DOP1B: variants seen among roughly 807,000 people sequenced by gnomAD.
The protein encoded by DOP1B is DOP1 leucine zipper like protein B, also known as protein DOP1B.
A neutral mutation model predicts 233.5 loss-of-function variants in DOP1B; 174 were observed. The ratio of observed to expected loss-of-function variants is 0.75; its 90% CI spans 0.66 to 0.85. DOP1B has a LOEUF of 0.85. Among genes scored for constraint, DOP1B ranks in the 40% least tolerant of loss-of-function variants. The pLI is 0.00. For synonymous variants in DOP1B, 1,190 were observed against 1,185.6 expected (o/e 1.00, Z -0.08); for missense variants, 2,652 against 2,846.6 (o/e 0.93, Z 1.56).
chr21:36,186,019 G>A (rs914331745), intron 2 of DOP1B, among the ~76,000 whole-genome samples: 21 of 152,106 alleles, frequency 1.4e-4, no homozygotes, highest in African/African-American at 4.6e-4. Context: ...CCTGGCCAAC[G>A]TGGTGAAACC....
At position 36,238,547 on chromosome 21, in the gene DOP1B, ACAGTGGT is replaced by A; in HGVS notation, c.2776-49_2776-43del. ...TAAATGGGGTTTATGGTGACTGAAG[ACAGTGGT>A]CAGTTACAAAACCAAGTTCCTCACT... is the stretch of plus-strand genomic sequence containing the variant. On this transcript the variant is annotated intron_variant, in intron 16 of 36. Transcript: ENST00000691173. 5 of 1,461,350 alleles carry A rather than the reference ACAGTGGT, an allele frequency of 3.4e-6. No individual in the cohort carries two copies. In the Admixed American group the frequency reaches 8.4e-5, roughly 25 times the overall value. 90.5% of individuals were successfully genotyped at this position (1,461,350 alleles called of 1,614,324 possible).
chr21:36,161,011 A>G (rs2065864153), intron 1 of DOP1B, among the ~76,000 whole-genome samples: 2 of 152,314 alleles, frequency 1.3e-5, no homozygotes, highest in East Asian at 3.9e-4. Context: ...GGGGTTGAGC[A>G]TGGCAGGAGA....
chr21:36,173,582 C>T (rs925368548), intron 2 of DOP1B, among the ~76,000 whole-genome samples: 2 of 151,992 alleles, frequency 1.3e-5, no homozygotes, highest in Admixed American at 6.6e-5. Flanking sequence ...CCACCACACC[C>T]GGCTAATTTT....
intron 4 of DOP1B, among the ~76,000 whole-genome samples, chr21:36,204,989 A>G (rs927403270): frequency 5.9e-5 from 9 of 152,042 alleles, no homozygotes; most frequent in African/African-American, 1.4e-4. Flanking sequence ...AGGCACTGTG[A>G]TCATGATCTG....
chr21:36,219,137 G>A (rs969207808), intron 9 of DOP1B, among the ~76,000 whole-genome samples: 3 of 152,178 alleles, frequency 2.0e-5, no homozygotes, highest in Admixed American at 6.5e-5. Flanking sequence ...TGTAAAACGC[G>A]TAGAAGGGTG....
intron 36 of DOP1B, 23 bp downstream of exon 36, chr21:36,292,256 C>CTTTTTTTTTTT (rs55884666): frequency 9.7e-6 from 13 of 1,335,498 alleles, no homozygotes; most frequent in Admixed American, 2.8e-5. Flanking sequence ...CTTTTCTTTT[C>CTTTTTTTTTTT]TTTTTTTTTT....
At chr21:36,223,196 A>C (rs780394999) in intron 10 of DOP1B, 35 bp from the exon 11 acceptor site, 1 of 1,533,336 alleles carries the variant, frequency 6.5e-7, no homozygotes, top group African/African-American at 1.4e-5. Context: ...GGATTTTTTT[A>C]TAGACATATT....
Position 36,227,768 on chromosome 21 carries a change from C to A in DOP1B, c.1556C>A (p.Ala519Asp). ...LVQPLAEDMEALSLPELTHAL... is the reference protein window; with the variant it reads ...LVQPLAEDMEDLSLPELTHAL... ...CAGCCTCTTGCTGAGGACATGGAGG[C>A]CTTAAGTTTACCTGAACTCACGCAT... Residue 519 changes from alanine (A) to aspartate (D), a missense_variant, in exon 13 of 37, where the codon GCC becomes GAC. By Grantham distance (126) the Ala-to-Asp change is moderately radical. Around this residue, in one of 3 missense-constraint regions of DOP1B, gnomAD observed 2,617 missense variants for 2,794.3 expected, o/e 0.94. Coordinates refer to ENST00000691173, the MANE Select transcript of DOP1B (RefSeq NM_001320714.2). 1.2e-6 allele frequency: 2 copies of A among 1,613,646 alleles called. No individual in the cohort carries two copies. Among genetic ancestry groups the A allele is most frequent in the African/African-American group, 1.3e-5 (1 of 75,026 alleles).
chr21:36,282,474 A>G (rs908353856), intron 32 of DOP1B, among the ~76,000 whole-genome samples: 31 of 152,148 alleles, frequency 2.0e-4, no homozygotes, highest in African/African-American at 6.3e-4. Context: ...TTAGTTTTTA[A>G]AAGTCTGACC....
intron 2 of DOP1B, among the ~76,000 whole-genome samples, chr21:36,167,276 G>A (rs747175683): frequency 1.3e-5 from 2 of 152,212 alleles, no homozygotes; most frequent in South Asian, 2.1e-4. Context: ...AGGTTCAAGC[G>A]ATTCTCCTGC....
chr21:36,258,398 T>C (rs2067131873), intron 23 of DOP1B, among the ~76,000 whole-genome samples: 1 of 151,260 alleles, frequency 6.6e-6, no homozygotes, highest in Non-Finnish European at 1.5e-5. Flanking sequence ...AGACCCTGTC[T>C]GAAAACAAAA....
chr21:36,184,588 A>G (rs1488504734), intron 2 of DOP1B, among the ~76,000 whole-genome samples: 1 of 152,202 alleles, frequency 6.6e-6, no homozygotes, highest in Admixed American at 6.5e-5. Context: ...ACAGGGAAGC[A>G]GGAGGAAAAA....
intron 32 of DOP1B, among the ~76,000 whole-genome samples, chr21:36,286,827 G>C (rs2067489512): frequency 6.6e-6 from 1 of 152,002 alleles, no homozygotes; most frequent in African/African-American, 2.4e-5. Flanking sequence ...AGCCGGGCAT[G>C]GTGGCAGACA....
intron 26 of DOP1B, among the ~76,000 whole-genome samples, chr21:36,268,350 T>C (rs1437753528): frequency 2.0e-5 from 3 of 152,192 alleles, no homozygotes; most frequent in African/African-American, 7.2e-5. Context: ...AAAATATGGC[T>C]CTTTTTTCCC....
rs377415890 is a variant in DOP1B, at chr21:36,230,977, T to G, written c.2193T>G (p.Asp731Glu). The G allele has an allele frequency of 4.6e-5, 74 of 1,613,946 alleles. No homozygotes were observed. The highest frequency in any genetic ancestry group is 6.1e-5 in the Non-Finnish European group (72 of 1,180,008). The part of the protein sequence containing the change: ...SPARKNGGEW[D>E]VEKVVIDLGG... ...CCAGGAAAAACGGGGGAGAATGGGA[T>G]GTTGAGAAGGTGGTCATTGACCTGG... Residue 731 changes from aspartate to glutamate, a missense_variant, in exon 14 of 37, where the codon GAT becomes GAG. Asp to Glu is a conservative substitution (Grantham distance 45). Around this residue, in one of 3 missense-constraint regions of DOP1B, gnomAD observed 2,617 missense variants for 2,794.3 expected, o/e 0.94. Transcript: ENST00000691173.
intron 27 of DOP1B, among the ~76,000 whole-genome samples, chr21:36,275,201 C>G (rs117127378): frequency 6.6e-6 from 1 of 152,222 alleles, no homozygotes; most frequent in East Asian, 1.9e-4. Context: ...CAGAACAGTA[C>G]AGCAGAGAGG....
intron 2 of DOP1B, among the ~76,000 whole-genome samples, chr21:36,180,652 G>A (rs934648527): frequency 2.4e-4 from 35 of 147,790 alleles, no homozygotes; most frequent in Non-Finnish European, 4.1e-4. Context: ...AGGCCGAGGC[G>A]GGGGGATCAC....
At position 36,230,502 on chromosome 21, in the gene DOP1B, T is replaced by C. The variant is rs1165733798; in HGVS notation, c.1718T>C (p.Ile573Thr). 7.4e-6 allele frequency: 12 copies of C among 1,613,492 alleles called. No homozygotes were observed. The highest frequency in any genetic ancestry group is 1.0e-5 in the Non-Finnish European group (12 of 1,179,468). The change falls in exon 14 of 37, where the codon ATT becomes ACT. Residue 573 changes from isoleucine to threonine, a missense_variant. Transcript: ENST00000691173. ...GKIILETKAV[I>T]PGDEDASFPP... ...ATAATTTTGGAAACAAAGGCAGTGATTCCCGGTGACGAAGATGCTTCGTTT... is the reference window on the plus strand; with the variant it reads ...ATAATTTTGGAAACAAAGGCAGTGACTCCCGGTGACGAAGATGCTTCGTTT...
chr21:36,201,516 T>A (rs1346703199), intron 4 of DOP1B, among the ~76,000 whole-genome samples: 1 of 151,448 alleles, frequency 6.6e-6, no homozygotes, highest in Non-Finnish European at 1.5e-5. Flanking sequence ...CCCAGCTAAT[T>A]TTTGTATTTT....
Sources: allele counts gnomAD v4.1 joint callset (sites outside exome capture counted in the v4.1 genomes callset), GRCh38; gene constraint gnomAD v4.1.1; regional missense constraint gnomAD v4.1.1; transcripts MANE v1.5; gene names NCBI Gene and HGNC (gene_info 2026-07-23, HGNC 2026-07-21).